The following GCC2 variants were observed in gnomAD, a reference collection of about 807,000 sequenced individuals.
The protein encoded by GCC2 is GRIP and coiled-coil domain containing 2.
GCC2 carries 120 observed loss-of-function variants against 210.6 expected under a neutral mutation model. The observed-to-expected ratio is 0.57, with a 90% CI of 0.49 to 0.66. The LOEUF (loss-of-function observed/expected upper bound fraction) is 0.66, where lower values mean the gene tolerates loss of function less well. Ranked by LOEUF, GCC2 falls within the 30% of genes least tolerant of loss-of-function variation. The pLI, the probability that GCC2 is intolerant of heterozygous loss-of-function variation, is 0.00. For synonymous variants in GCC2, 703 were observed against 652.7 expected (o/e 1.08, Z -1.17); for missense variants, 1,868 against 1,871.9 (o/e 1.00, Z 0.04).
rs2577596 is a variant in GCC2, at chr2:108,507,540, T to A, written c.4985-20T>A. On this transcript the variant is annotated intron_variant, in intron 22 of 22. Coordinates refer to ENST00000309863, the MANE Select transcript of GCC2 (RefSeq NM_181453.4). ...TTTTTTCTTTTATTTTTCTTTTTTTTTTTGTTTTACTTTCCAAAGGTGAGG... is the reference window on the plus strand; with the variant it reads ...TTTTTTCTTTTATTTTTCTTTTTTTATTTGTTTTACTTTCCAAAGGTGAGG... 120 of 1,520,726 alleles carry A rather than the reference T, an allele frequency of 7.9e-5. No homozygotes were observed. Among genetic ancestry groups the A allele is most frequent in the Non-Finnish European group, 1.0e-4 (114 of 1,115,546 alleles). The allele number at this position is 1,520,726 out of a possible 1,614,324, so 94.2% of individuals were successfully genotyped here.
intron 7 of GCC2, chr2:108,474,677 C>G (rs1681415583): frequency 6.6e-6 from 1 of 151,556 alleles, no homozygotes; most frequent in African/African-American, 2.4e-5. Flanking sequence ...GGAAGAATAA[C>G]AGCATGTTTA....
intron 22 of GCC2, among the ~76,000 whole-genome samples, chr2:108,502,456 A>C (rs1280452189): frequency 6.6e-6 from 1 of 152,230 alleles, no homozygotes; most frequent in Non-Finnish European, 1.5e-5. Flanking sequence ...CAGAACTCTA[A>C]GATGTGCATT....
At chr2:108,485,539 T>G (rs989964684) in intron 13 of GCC2, 97 bp from the exon 14 acceptor site, 1 of 671,666 alleles carries the variant, frequency 1.5e-6, no homozygotes, top group African/African-American at 1.8e-5. Flanking sequence ...AAAACAGGCT[T>G]AAAGACAAGC....
In GCC2 at chr2:108,475,540, C is replaced by G; in HGVS notation, c.2866C>G (p.Leu956Val). 4 of 1,416,804 alleles carry G rather than the reference C, an allele frequency of 2.8e-6. No homozygotes were observed. The allele number at this position is 1,416,804 out of a possible 1,614,324, so 87.8% of individuals were successfully genotyped here. A position where few individuals can be genotyped will look rare whatever the true frequency, so the allele number is the denominator to read the frequency against. Residue 956 changes from leucine to valine, a missense_variant, in exon 8 of 23, where the codon CTG becomes GTG. Physicochemically the swap from Leu to Val is conservative, Grantham distance 32. Coordinates refer to ENST00000309863, the MANE Select transcript of GCC2 (RefSeq NM_181453.4). Reference sequence around the variant, plus strand: ...CATTTATTTTCTATTTTTAGAAAATCTGGAAAAAGAATGCAAAGAAAAGGA... The same window carrying G: ...CATTTATTTTCTATTTTTAGAAAATGTGGAAAAAGAATGCAAAGAAAAGGA... ...VKELEEKIEN[L>V]EKECKEKEEK...
At chr2:108,466,522 G>A (rs1680898972) in intron 4 of GCC2, among the ~76,000 whole-genome samples, 1 of 151,784 alleles carries the variant, frequency 6.6e-6, no homozygotes, top group South Asian at 2.1e-4. Context: ...ACCCAGGCTG[G>A]AGTGCAATGG....
chr2:108,504,708 T>TA (rs1225827469), intron 22 of GCC2, among the ~76,000 whole-genome samples: 1 of 152,186 alleles, frequency 6.6e-6, no homozygotes, highest in Non-Finnish European at 1.5e-5. Flanking sequence ...AGTACTTCTA[T>TA]ATGCAAAATT....
rs538380313 is a variant in GCC2 at position 108,490,869 on chromosome 2, T to G, written c.4229+855T>G. Among the ~76,000 whole-genome samples the G allele has an allele frequency of 2.6e-5, 4 of 152,334 alleles. No individual in the cohort carries two copies. The South Asian group carries it at 8.3e-4, about 32-fold the overall frequency. ...AATTACATTGCTAACACAAATAAAG[T>G]ACTGTTGATTCCTCTAAAGTAATTC... On this transcript the variant is annotated intron_variant, in intron 18 of 22. Coordinates refer to ENST00000309863, the MANE Select transcript of GCC2 (RefSeq NM_181453.4).
chr2:108,471,975 TGAA>T lies in GCC2; in HGVS notation c.2651_2653del (p.Glu884del), dbSNP rs769389279. ...AAAATCAGAATCTTTTAATTCAAGT[TGAA>T]GAAGTATCTCAAACATGTAGCAAAA... On this transcript the variant is annotated inframe_deletion, in exon 6 of 23. Coordinates refer to ENST00000309863, the MANE Select transcript of GCC2 (RefSeq NM_181453.4). 1.1e-5 allele frequency: 18 copies of T among 1,603,968 alleles called. No individual in the cohort carries two copies. The highest frequency in any genetic ancestry group is 4.0e-5 in the African/African-American group (3 of 74,132).
intron 19 of GCC2, among the ~76,000 whole-genome samples, chr2:108,493,095 A>G (rs538058413): frequency 6.6e-6 from 1 of 152,108 alleles, no homozygotes; most frequent in African/African-American, 2.4e-5. Flanking sequence ...GTCTCGTGAC[A>G]TGTCTTTTTT....
At position 108,475,561 on chromosome 2, in the gene GCC2, AAGG is replaced by A. The variant is rs1681464671; in HGVS notation, c.2893_2895del (p.Glu965del). On this transcript the variant is annotated inframe_deletion, in exon 8 of 23. Transcript: ENST00000309863. Reference sequence around the variant, plus strand: ...AAATCTGGAAAAAGAATGCAAAGAAAAGGAGGAGAAAATAAATAAGATAAAATT... The same window carrying A: ...AAATCTGGAAAAAGAATGCAAAGAAAAGGAGAAAATAAATAAGATAAAATT... 3 of 1,503,540 alleles carry A rather than the reference AAGG, an allele frequency of 2.0e-6. No homozygotes were observed. Among genetic ancestry groups the A allele is most frequent in the Admixed American group, 2.3e-5 (1 of 43,030 alleles). The allele number at this position is 1,503,540 out of a possible 1,614,324, so 93.1% of individuals were successfully genotyped here.
At position 108,481,829 on chromosome 2, in the gene GCC2, T is replaced by C. The variant is rs751642915; in HGVS notation, c.3180+13T>C. Reference sequence around the variant, plus strand: ...TTCGACTTTGCAGGTAATTTTTTAATAAATCCAAAAATGAAAACTATAACA... The same window carrying C: ...TTCGACTTTGCAGGTAATTTTTTAACAAATCCAAAAATGAAAACTATAACA... On this transcript the variant is annotated intron_variant, in intron 10 of 22. Transcript: ENST00000309863. 6.5e-7 allele frequency: 1 copy of C among 1,536,604 alleles called. No individual in the cohort carries two copies. The highest frequency in any genetic ancestry group is 1.2e-5 in the South Asian group (1 of 81,322).
intron 4 of GCC2, among the ~76,000 whole-genome samples, chr2:108,463,670 C>G (rs945338741): frequency 6.6e-6 from 1 of 152,144 alleles, no homozygotes; most frequent in African/African-American, 2.4e-5. Flanking sequence ...AATTCTTGAG[C>G]CTCCAGGTAG....
chr2:108,499,923 A>G (rs1256280164), intron 22 of GCC2, among the ~76,000 whole-genome samples, 169 bp downstream of exon 22: 73 of 152,166 alleles, frequency 4.8e-4, no homozygotes, highest in Non-Finnish European at 5.9e-5. Context: ...TAACATCTTG[A>G]GGCAACTGTA....
At chr2:108,451,837 CTCTCT>C (rs1268328015) in intron 3 of GCC2, among the ~76,000 whole-genome samples, 7 of 142,160 alleles carry the variant, frequency 4.9e-5, no homozygotes, top group Admixed American at 7.6e-5. Context: ...TTCTCTCTCT[CTCTCT>C]TTTTTTTTTT....
chr2:108,451,905 G>A (rs1573335731), intron 3 of GCC2, among the ~76,000 whole-genome samples: 1 of 146,970 alleles, frequency 6.8e-6, no homozygotes, highest in Non-Finnish European at 1.5e-5. Context: ...GTGCAGTGGC[G>A]CAATCTCGGC....
intron 22 of GCC2, among the ~76,000 whole-genome samples, chr2:108,500,407 G>A (rs1384367018): frequency 6.6e-6 from 1 of 152,176 alleles, no homozygotes; most frequent in Non-Finnish European, 1.5e-5. Context: ...CAGCTACTCA[G>A]GAGATTGAGG....
At chr2:108,497,783 T>A (rs1355998194) in intron 21 of GCC2, among the ~76,000 whole-genome samples, 1 of 152,140 alleles carries the variant, frequency 6.6e-6, no homozygotes, top group African/African-American at 2.4e-5. Flanking sequence ...CAGAATATAG[T>A]CATACTGCTT....
chr2:108,502,837 C>T lies in GCC2; in HGVS notation c.4984+3083C>T, dbSNP rs534177362. 1.1e-4 allele frequency among the ~76,000 whole-genome samples: 17 copies of T among 151,286 alleles called. No homozygotes were observed. The South Asian group carries it at 1.7e-3, about 15-fold the overall frequency. On this transcript the variant is annotated intron_variant, in intron 22 of 22. Transcript: ENST00000309863. ...ACTTGGGAGGCTGAGGTAGGAGAAT[C>T]GCTTGAACCCGGGAGGCAGAGGTTG...
chr2:108,478,743 G>A (rs981463417), intron 9 of GCC2, among the ~76,000 whole-genome samples: 2 of 152,100 alleles, frequency 1.3e-5, no homozygotes, highest in African/African-American at 4.8e-5. Flanking sequence ...GACAGCAGTT[G>A]GAACCAGAAT....
Sources: allele counts gnomAD v4.1 joint callset (sites outside exome capture counted in the v4.1 genomes callset), GRCh38; gene constraint gnomAD v4.1.1; transcripts MANE v1.5; gene names NCBI Gene and HGNC (gene_info 2026-07-23, HGNC 2026-07-21).